SNTG2: variants seen among roughly 807,000 people sequenced by gnomAD.
SNTG2 encodes the protein syntrophin gamma 2.
SNTG2 carries 74 observed loss-of-function variants against 70.9 expected under a neutral mutation model. The ratio of observed to expected loss-of-function variants is 1.04; its 90% CI spans 0.86 to 1.27. The LOEUF (loss-of-function observed/expected upper bound fraction) is 1.27, where lower values mean the gene tolerates loss of function less well. Among genes scored for constraint, SNTG2 ranks in the 50% most tolerant of loss-of-function variants. The pLI, the probability that SNTG2 is intolerant of heterozygous loss-of-function variation, is 0.00. For missense variants in SNTG2, 717 were observed against 690.7 expected (o/e 1.04, Z -0.43); for synonymous variants, 278 against 273.8 (o/e 1.02, Z -0.15).
At chr2:1,208,940 G>A (rs1673851806) in intron 8 of SNTG2, among the ~76,000 whole-genome samples, 163 bp from the exon 9 acceptor site, 1 of 151,956 alleles carries the variant, frequency 6.6e-6, no homozygotes, top group Non-Finnish European at 1.5e-5. Flanking sequence ...GGGTAGAAGA[G>A]CACTTCTTTC....
At chr2:1,318,209 T>G (rs941750876) in intron 16 of SNTG2, among the ~76,000 whole-genome samples, 1 of 152,198 alleles carries the variant, frequency 6.6e-6, no homozygotes, top group African/African-American at 2.4e-5. Context: ...TTAAATTTAC[T>G]AAACTGAAAA....
chr2:1,286,460 G>T, intron 14 of SNTG2, among the ~76,000 whole-genome samples: 1 of 152,196 alleles, frequency 6.6e-6, no homozygotes, highest in East Asian at 1.9e-4. Context: ...AACATGGTAA[G>T]ACCAGTGAAT....
chr2:1,188,987 G>A (rs981934189), intron 8 of SNTG2, among the ~76,000 whole-genome samples: 1 of 151,968 alleles, frequency 6.6e-6, no homozygotes, highest in Non-Finnish European at 1.5e-5. Context: ...AGCACACTAT[G>A]ACAAGAAAAA....
intron 9 of SNTG2, among the ~76,000 whole-genome samples, chr2:1,233,913 G>C (rs1274180783): frequency 1.3e-5 from 2 of 150,896 alleles, no homozygotes; most frequent in Non-Finnish European, 3.0e-5. Context: ...TGGACCCCGG[G>C]GTGCCAAGCG....
At chr2:1,047,595 A>C (rs1214617906) in intron 1 of SNTG2, among the ~76,000 whole-genome samples, 1 of 151,846 alleles carries the variant, frequency 6.6e-6, no homozygotes, top group Non-Finnish European at 1.5e-5. Context: ...TTTGTAGTTG[A>C]CCTCTTGCCT....
At chr2:996,615 T>C (rs1174178261) in intron 1 of SNTG2, among the ~76,000 whole-genome samples, 1 of 148,494 alleles carries the variant, frequency 6.7e-6, no homozygotes, top group Non-Finnish European at 1.5e-5. Flanking sequence ...TGTGTGTATA[T>C]ATTGGTGGAA....
intron 1 of SNTG2, among the ~76,000 whole-genome samples, chr2:987,217 A>G (rs1322720346): frequency 6.6e-6 from 1 of 152,148 alleles, no homozygotes; most frequent in Non-Finnish European, 1.5e-5. Context: ...GGAGCCTGGG[A>G]TGGTTGTGCC....
intron 4 of SNTG2, among the ~76,000 whole-genome samples, chr2:1,100,326 C>T (rs1166902560): frequency 6.6e-6 from 1 of 152,088 alleles, no homozygotes; most frequent in African/African-American, 2.4e-5. Context: ...GCCACCACGC[C>T]TGGCTAATTT....
rs1491515768 is a variant in SNTG2 at position 1,154,963 on chromosome 2, CAA to C, written c.412-10583_412-10582del. Among the ~76,000 whole-genome samples, 22 of 148,164 alleles carry C rather than the reference CAA, an allele frequency of 1.5e-4. No homozygotes were observed. The South Asian group carries it at 1.9e-3, about 13-fold the overall frequency. ...CACACACATAAACTCACACCACACACAAAGACATATACCACATACACCACACA... is the reference window on the plus strand; with the variant it reads ...CACACACATAAACTCACACCACACACAGACATATACCACATACACCACACA... On this transcript the variant is annotated intron_variant, in intron 6 of 16. Coordinates refer to ENST00000308624, the MANE Select transcript of SNTG2 (RefSeq NM_018968.4).
chr2:973,619 T>G (rs1032446478), intron 1 of SNTG2, among the ~76,000 whole-genome samples: 2 of 152,034 alleles, frequency 1.3e-5, no homozygotes, highest in Admixed American at 6.5e-5. Flanking sequence ...TGCCTCTGCC[T>G]TTTTCTTTTT....
chr2:1,181,013 A>G (rs912599019), intron 8 of SNTG2, among the ~76,000 whole-genome samples: 1 of 152,184 alleles, frequency 6.6e-6, no homozygotes, highest in Non-Finnish European at 1.5e-5. Context: ...TGGGAATTGA[A>G]CAATGAGAAC....
intron 15 of SNTG2, among the ~76,000 whole-genome samples, chr2:1,312,699 C>T (rs750920009): frequency 2.0e-5 from 3 of 152,190 alleles, no homozygotes; most frequent in African/African-American, 2.4e-5. Flanking sequence ...CTTCCCACAC[C>T]GCAGCAAATT....
chr2:1,101,456 T>TTTTTA (rs548931277), intron 4 of SNTG2, among the ~76,000 whole-genome samples: 511 of 152,040 alleles, frequency 3.4e-3, no homozygotes, highest in Non-Finnish European at 5.0e-3. Flanking sequence ...GAATTGGGAG[T>TTTTTA]TTTTAGGGAT....
intron 1 of SNTG2, among the ~76,000 whole-genome samples, chr2:1,053,543 T>G (rs574845410): frequency 1.4e-4 from 19 of 137,236 alleles, no homozygotes; most frequent in African/African-American, 5.2e-4. Context: ...CACGGAGACG[T>G]AATTGTTTCC....
intron 11 of SNTG2, among the ~76,000 whole-genome samples, chr2:1,244,127 C>T (rs1335955183): frequency 2.0e-5 from 3 of 150,216 alleles, no homozygotes; most frequent in African/African-American, 7.3e-5. Context: ...AATCTCTCTA[C>T]CCCGTATGAA....
At chr2:1,032,073 A>T (rs1660869106) in intron 1 of SNTG2, among the ~76,000 whole-genome samples, 1 of 152,224 alleles carries the variant, frequency 6.6e-6, no homozygotes, top group South Asian at 2.1e-4. Flanking sequence ...AAAAGTAGCT[A>T]CTGACAGCAT....
intron 2 of SNTG2, among the ~76,000 whole-genome samples, chr2:1,094,012 A>G (rs1665210595): frequency 1.2e-5 from 1 of 86,016 alleles, no homozygotes; most frequent in Non-Finnish European, 2.2e-5. Context: ...GTGTGTCCTC[A>G]TATGGTAGAG....
chr2:1,300,267 C>T (rs1253591779), intron 14 of SNTG2, among the ~76,000 whole-genome samples: 11 of 152,242 alleles, frequency 7.2e-5, no homozygotes, highest in African/African-American at 1.2e-4. Flanking sequence ...TTACCATCAC[C>T]GCTCTGAAGT....
intron 14 of SNTG2, among the ~76,000 whole-genome samples, chr2:1,290,208 G>A (rs553678594): frequency 2.0e-5 from 3 of 152,120 alleles, no homozygotes; most frequent in Non-Finnish European, 2.9e-5. Flanking sequence ...AGGCATGGTT[G>A]GGGAGACCTC....
Sources: gnomAD v4.1 joint callset for allele counts (sites outside exome capture counted in the v4.1 genomes callset) on GRCh38, gnomAD v4.1.1 for gene constraint, MANE v1.5 for transcripts, NCBI Gene and HGNC (gene_info 2026-07-23, HGNC 2026-07-21) for gene names.